VWF: variants seen among roughly 807,000 people sequenced by gnomAD.
The protein encoded by VWF is Factor VIII related antigen.
VWF carries 176 observed loss-of-function variants against 308.6 expected under a neutral mutation model. The ratio of observed to expected loss-of-function variants is 0.57; its 90% confidence interval spans 0.50 to 0.65. VWF has a LOEUF of 0.65. Among genes scored for constraint, VWF ranks in the 30% least tolerant of loss-of-function variants. The pLI is 0.00. For missense variants in VWF, 3,146 were observed against 3,648.2 expected, an observed-to-expected ratio of 0.86 and a Z score of 3.55; for synonymous variants, 1,385 against 1,443.4, an observed-to-expected ratio of 0.96 and a Z score of 0.92.
intron 10 of VWF, among the ~76,000 whole-genome samples, chr12:6,069,288 A>C (rs529311918): frequency 6.6e-6 from 1 of 152,256 alleles, no homozygotes; most frequent in Non-Finnish European, 1.5e-5. Context: ...TTCCCAAAGA[A>C]ACTGAACAGG....
At chr12:5,960,332 GT>G (rs921639106) in intron 47 of VWF, among the ~76,000 whole-genome samples, 1 of 151,962 alleles carries the variant, frequency 6.6e-6, no homozygotes, top group East Asian at 1.9e-4. Context: ...TAGAAAATCC[GT>G]TTTTTTATTT....
Position 6,075,350 on chromosome 12 carries a change from C to T in VWF, c.859G>A (p.Asp287Asn). 1.2e-6 allele frequency: 2 copies of T among 1,614,028 alleles called. No homozygotes were observed. The highest frequency in any genetic ancestry group is 2.2e-5 in the South Asian group (2 of 91,072). The change falls in exon 7 of 52, where the codon GAC (aspartate) becomes AAC (asparagine). Residue 287 changes from aspartate (D) to asparagine (N), a missense_variant. Coordinates refer to ENST00000261405, the MANE Select transcript of VWF (RefSeq NM_000552.5). This position sits in a 1 kb window ranked among gnomAD's most constrained non-coding sequence, Gnocchi z 4.7. Reference sequence around the variant, plus strand: ...GCCGACTTACTGCACGCGCTGTGGTCGGTCCAGCCGTACAGCACCATTCCC... The same window carrying T: ...GCCGACTTACTGCACGCGCTGTGGTTGGTCCAGCCGTACAGCACCATTCCC... ...QEGMVLYGWTDHSACSPVCPA... is the reference protein window; with the variant it reads ...QEGMVLYGWTNHSACSPVCPA...
intron 5 of VWF, among the ~76,000 whole-genome samples, chr12:6,101,718 G>T (rs1006977931): frequency 1.3e-5 from 2 of 152,082 alleles, no homozygotes; most frequent in Admixed American, 6.6e-5. Flanking sequence ...GGAGGTTGCT[G>T]TGAGCCGAGA....
intron 3 of VWF, 131 bp downstream of exon 3, chr12:6,121,043 T>C: frequency 1.6e-6 from 2 of 1,286,680 alleles, no homozygotes; most frequent in African/African-American, 1.5e-5. Context: ...AGAAAGGCTG[T>C]TCCTCTCCTT....
chr12:6,079,429 A>G (rs1944880398), intron 6 of VWF, among the ~76,000 whole-genome samples: 1 of 151,322 alleles, frequency 6.6e-6, no homozygotes, highest in Non-Finnish European at 1.5e-5. Context: ...ACACGGTGAA[A>G]CCCCATCTCT....
chr12:5,998,098 T>C lies in VWF; in HGVS notation c.5843-1876A>G, dbSNP rs189898894. Among the ~76,000 whole-genome samples, 243 of 152,204 alleles carry C rather than the reference T, an allele frequency of 1.6e-3. 1 individual carries two copies. The highest frequency in any genetic ancestry group is 5.6e-3 in the African/African-American group (232 of 41,526). Reference sequence around the variant, plus strand: ...TATTATATTAAAACTTTTGGCTGATTGTCAAAATGTAATGATATCAGATAC... The same window carrying C: ...TATTATATTAAAACTTTTGGCTGATCGTCAAAATGTAATGATATCAGATAC... On this transcript the variant is annotated intron_variant, in intron 34 of 51. Transcript: ENST00000261405.
At chr12:5,992,374 T>G (rs1408681754) in intron 37 of VWF, among the ~76,000 whole-genome samples, 2 of 152,168 alleles carry the variant, frequency 1.3e-5, no homozygotes, top group Non-Finnish European at 2.9e-5. Flanking sequence ...CTCAGCTTCC[T>G]CCTTGGAGCA....
At chr12:5,982,862 T>C (rs1005015241) in intron 41 of VWF, among the ~76,000 whole-genome samples, 11 of 151,668 alleles carry the variant, frequency 7.3e-5, no homozygotes, top group Non-Finnish European at 1.5e-4. Flanking sequence ...GAAATAAAGA[T>C]TAGATTCGGA....
At chr12:6,071,271 A>G in intron 10 of VWF, 26 bp downstream of exon 10, 1 of 1,613,800 alleles carries the variant, frequency 6.2e-7, no homozygotes, top group Non-Finnish European at 8.5e-7. Context: ...GGGAAGGAGG[A>G]AGAGAATGAG....
intron 2 of VWF, 34 bp from the exon 3 acceptor site, chr12:6,121,372 C>T: frequency 6.2e-7 from 1 of 1,610,586 alleles, no homozygotes; most frequent in South Asian, 1.1e-5. Context: ...GGCTGGTGAT[C>T]TCAGGGCACA....
chr12:5,951,980 C>T, intron 49 of VWF, 97 bp from the exon 50 acceptor site: 1 of 1,245,326 alleles, frequency 8.0e-7, no homozygotes, highest in Non-Finnish European at 1.2e-6. Context: ...AACTCACAGC[C>T]CTGTGCTTAA....
At chr12:6,064,743 C>A (rs1311750004) in intron 11 of VWF, among the ~76,000 whole-genome samples, 2 of 152,198 alleles carry the variant, frequency 1.3e-5, no homozygotes, top group Non-Finnish European at 2.9e-5. Context: ...TTGCTTCCAT[C>A]CCTACAGAAA....
intron 1 of VWF, among the ~76,000 whole-genome samples, chr12:6,123,904 G>C (rs1945459086): frequency 6.6e-6 from 1 of 152,128 alleles, no homozygotes; most frequent in South Asian, 2.1e-4. Flanking sequence ...AAGTCACTTA[G>C]AGCCCCTGCT....
chr12:5,965,372 C>A (rs1390064740), intron 47 of VWF, among the ~76,000 whole-genome samples: 2 of 152,144 alleles, frequency 1.3e-5, no homozygotes, highest in Non-Finnish European at 2.9e-5. Flanking sequence ...CCTTTTCTCA[C>A]CCCGGCTTCT....
chr12:6,094,366 A>G (rs1945081700), intron 6 of VWF, among the ~76,000 whole-genome samples: 1 of 152,160 alleles, frequency 6.6e-6, no homozygotes, highest in African/African-American at 2.4e-5. Context: ...CTTCCAGCTG[A>G]GCTGGTATAA....
chr12:6,084,453 T>C (rs190116139), intron 6 of VWF, among the ~76,000 whole-genome samples: 2 of 152,276 alleles, frequency 1.3e-5, no homozygotes, highest in Admixed American at 6.5e-5. Flanking sequence ...GCAGGCCCAA[T>C]TGTGGCCCAT....
chr12:6,056,156 G>A (rs2136453249), intron 15 of VWF, among the ~76,000 whole-genome samples: 1 of 146,844 alleles, frequency 6.8e-6, no homozygotes, highest in African/African-American at 2.5e-5. Flanking sequence ...AGTAGGATAG[G>A]TATCTAGTAG....
intron 15 of VWF, among the ~76,000 whole-genome samples, chr12:6,055,260 C>T (rs1292506441): frequency 6.6e-6 from 1 of 152,176 alleles, no homozygotes; most frequent in Non-Finnish European, 1.5e-5. Context: ...CGGATGCTGC[C>T]ACATACTGAT....
At chr12:6,091,502 C>T (rs1022511800) in intron 6 of VWF, among the ~76,000 whole-genome samples, 1 of 152,180 alleles carries the variant, frequency 6.6e-6, no homozygotes, top group African/African-American at 2.4e-5. Context: ...TATATACTGT[C>T]TCTATAGCCC....
Sources: allele counts gnomAD v4.1 joint callset (sites outside exome capture counted in the v4.1 genomes callset), GRCh38; gene constraint gnomAD v4.1.1; non-coding constraint Gnocchi (gnomAD v3.1); transcripts MANE v1.5; gene names NCBI Gene and HGNC (gene_info 2026-07-23, HGNC 2026-07-21).